Variants in PRSS55 observed in about 807,000 individuals in gnomAD.
PRSS55 encodes the protein probable serine protease UNQ9391/PRO34284.
PRSS55 carries 41 observed loss-of-function variants against 23.6 expected under a neutral mutation model. The ratio of observed to expected loss-of-function variants is 1.74; its 90% CI spans 1.35 to 2.26. PRSS55 has a LOEUF of 2.26. Ranked by LOEUF, PRSS55 falls within the 30% of genes most tolerant of loss-of-function variation. The probability of loss-of-function intolerance (pLI) is 0.00; values close to 1 mark genes in which losing one functional copy is unlikely to be tolerated. For synonymous variants in PRSS55, 262 were observed against 175.5 expected (o/e 1.49, Z -3.90); for missense variants, 669 against 439.1 (o/e 1.52, Z -4.68).
chr8:10,545,720 G>A (rs911713845), intron 4 of PRSS55, among the ~76,000 whole-genome samples: 1 of 152,170 alleles, frequency 6.6e-6, no homozygotes, highest in African/African-American at 2.4e-5. Context: ...CGTTTGAATT[G>A]AGACTGTAGA....
chr8:10,536,392 G>T (rs549820712), intron 4 of PRSS55, among the ~76,000 whole-genome samples: 1 of 152,152 alleles, frequency 6.6e-6, no homozygotes, highest in Non-Finnish European at 1.5e-5. Context: ...AGAGAAAAGA[G>T]AATGCTTCTA....
In PRSS55 at chr8:10,531,514, C is replaced by T. The variant is rs547973389; in HGVS notation, c.567C>T (p.Cys189=). 3 of 1,613,728 alleles carry T rather than the reference C, an allele frequency of 1.9e-6. No homozygotes were observed. The South Asian group carries it at 3.3e-5, about 18-fold the overall frequency. ...TQPGPATWRE[C]WVAGWGQTNA... ...CCGGCCCTGCCACATGGCGCGAATG[C>T]TGGGTGGCAGGTTGGGGCCAGACCA... Residue 189 remains cysteine (C), a synonymous_variant, in exon 3 of 5, where the codon TGC becomes TGT. Coordinates refer to ENST00000328655, the MANE Select transcript of PRSS55 (RefSeq NM_198464.4).
chr8:10,531,228 C>T, intron 2 of PRSS55, 67 bp from the exon 3 acceptor site: 1 of 1,586,716 alleles, frequency 6.3e-7, no homozygotes, highest in South Asian at 1.2e-5. Context: ...CTGGGCACAG[C>T]CAATTCTGCC....
At chr8:10,533,940 C>A (rs1010197202) in intron 4 of PRSS55, among the ~76,000 whole-genome samples, 1 of 152,008 alleles carries the variant, frequency 6.6e-6, no homozygotes, top group African/African-American at 2.4e-5. Flanking sequence ...GAGGTGGGTA[C>A]TGAAACAGGG....
chr8:10,529,221 G>A (rs1034133482), intron 1 of PRSS55, among the ~76,000 whole-genome samples: 2 of 152,242 alleles, frequency 1.3e-5, no homozygotes, highest in East Asian at 1.9e-4. Context: ...GACGAGAGCA[G>A]AAACAAGCTC....
chr8:10,526,995 G>C (rs1812047569), intron 1 of PRSS55, among the ~76,000 whole-genome samples: 1 of 152,220 alleles, frequency 6.6e-6, no homozygotes, highest in Non-Finnish European at 1.5e-5. Flanking sequence ...CTCAGACAGA[G>C]AGACAGAGGG....
intron 4 of PRSS55, among the ~76,000 whole-genome samples, chr8:10,547,140 C>A (rs1812837089): frequency 6.6e-6 from 1 of 152,192 alleles, no homozygotes; most frequent in South Asian, 2.1e-4. Context: ...GCAGTCACCG[C>A]TCCTATTTAT....
intron 4 of PRSS55, among the ~76,000 whole-genome samples, chr8:10,546,877 C>T (rs1185665871): frequency 6.6e-6 from 1 of 152,046 alleles, no homozygotes; most frequent in Non-Finnish European, 1.5e-5. Context: ...TACAAGTTCC[C>T]CCTATGTTTC....
chr8:10,548,551 C>T (rs761596801), intron 4 of PRSS55, among the ~76,000 whole-genome samples: 1 of 152,190 alleles, frequency 6.6e-6, no homozygotes, highest in Non-Finnish European at 1.5e-5. Context: ...CACTCTGAGG[C>T]TGGGGTCACT....
At chr8:10,542,196 TC>T (rs1418654566), downstream of PRSS55, among the ~76,000 whole-genome samples, 1 of 152,138 alleles carries the variant, frequency 6.6e-6, no homozygotes, top group Non-Finnish European at 1.5e-5. Context: ...AAGAGAGTTT[TC>T]ATACCTAGAG....
At chr8:10,527,950 C>T (rs973755693) in intron 1 of PRSS55, among the ~76,000 whole-genome samples, 1 of 152,146 alleles carries the variant, frequency 6.6e-6, no homozygotes, top group African/African-American at 2.4e-5. Flanking sequence ...TGGTGGCTCA[C>T]GCCTGTAATC....
intron 1 of PRSS55, among the ~76,000 whole-genome samples, chr8:10,526,922 C>T (rs1812044273): frequency 6.6e-6 from 1 of 152,166 alleles, no homozygotes; most frequent in Non-Finnish European, 1.5e-5. Context: ...AGCAACAGAG[C>T]CTGGATTCAA....
At chr8:10,538,852 C>T (rs1812553585), downstream of PRSS55, 2 of 1,464,646 alleles carry the variant, frequency 1.4e-6, no homozygotes, top group East Asian at 4.6e-5. Flanking sequence ...GCGTCTCCAG[C>T]AGAGGCTCTG....
Position 10,525,735 on chromosome 8 carries a change from C to A in PRSS55, c.150C>A (p.Val50=). The A allele has an allele frequency of 1.9e-6, 3 of 1,604,620 alleles. No individual in the cohort carries two copies. The highest frequency in any genetic ancestry group is 2.6e-6 in the Non-Finnish European group (3 of 1,175,622). ...AGCCCCCTCATCCCCCCAGCCCAGT[C>A]AGTGGTGAGTACAGGGGCAGAAGGG... ...RPQPPHPPSP[V]SECGDRSIFE... The change falls in exon 1 of 5, where the codon GTC becomes GTA. Residue 50 remains valine (V), a synonymous_variant. Coordinates refer to ENST00000328655, the MANE Select transcript of PRSS55 (RefSeq NM_198464.4).
At chr8:10,547,657 T>TTTCCC (rs1259979923) in intron 4 of PRSS55, 1 of 151,968 alleles carries the variant, frequency 6.6e-6, no homozygotes, top group Non-Finnish European at 1.5e-5. Flanking sequence ...CGTCCCTCCT[T>TTTCCC]TTCCCTTCCC....
chr8:10,538,431 A>C, intron 4 of PRSS55, 45 bp from the exon 5 acceptor site: 1 of 1,451,630 alleles, frequency 6.9e-7, no homozygotes, highest in Non-Finnish European at 9.5e-7. Flanking sequence ...TCAGATGGGC[A>C]GCTTAGAACC....
chr8:10,532,778 G>T (rs1585873492), intron 3 of PRSS55, 128 bp from the exon 4 acceptor site: 1 of 1,144,234 alleles, frequency 8.7e-7, no homozygotes. Flanking sequence ...GAAGTGAGGG[G>T]CTGCAGAGCC....
At chr8:10,550,946 T>A (rs1473946381) in intron 4 of PRSS55, among the ~76,000 whole-genome samples, 1 of 152,200 alleles carries the variant, frequency 6.6e-6, no homozygotes, top group Non-Finnish European at 1.5e-5. Context: ...AATAAATCAA[T>A]TACTCCCACT....
intron 4 of PRSS55, among the ~76,000 whole-genome samples, chr8:10,537,888 G>C (rs1391895276): frequency 6.6e-6 from 1 of 152,196 alleles, no homozygotes; most frequent in African/African-American, 2.4e-5. Flanking sequence ...TTTGATTTAT[G>C]TAGACGTGGG....
Sources: gnomAD v4.1 joint callset for allele counts (sites outside exome capture counted in the v4.1 genomes callset) on GRCh38, gnomAD v4.1.1 for gene constraint, MANE v1.5 for transcripts, NCBI Gene and HGNC (gene_info 2026-07-23, HGNC 2026-07-21) for gene names.